Variants in TEX14 observed in about 807,000 individuals in gnomAD.
TEX14 encodes inactive serine/threonine-protein kinase TEX14.
A neutral mutation model predicts 178.6 loss-of-function variants in TEX14; 168 were observed. That is an observed-to-expected ratio of 0.94 (90% CI 0.83 to 1.07). The LOEUF is 1.07. TEX14 is among the 50% of genes least tolerant of loss of function. TEX14 has a pLI of 0.00. For synonymous variants in TEX14, 626 were observed against 634.1 expected, an observed-to-expected ratio of 0.99 and a Z score of 0.19; for missense variants, 1,730 against 1,753.6, an observed-to-expected ratio of 0.99 and a Z score of 0.24.
intron 1 of TEX14, among the ~76,000 whole-genome samples, chr17:58,659,758 G>A (rs576694749): frequency 6.6e-6 from 1 of 152,112 alleles, no homozygotes; most frequent in East Asian, 1.9e-4. Flanking sequence ...TTTCAATGGC[G>A]TGATCTCGGC....
chr17:58,635,937 G>T (rs1367601472), intron 2 of TEX14, among the ~76,000 whole-genome samples: 1 of 151,986 alleles, frequency 6.6e-6, no homozygotes, highest in Non-Finnish European at 1.5e-5. Flanking sequence ...GTAGAGACAG[G>T]TTTCACCATG....
intron 1 of TEX14, among the ~76,000 whole-genome samples, chr17:58,667,348 T>C (rs1382728850): frequency 6.6e-6 from 1 of 152,234 alleles, no homozygotes; most frequent in Non-Finnish European, 1.5e-5. Context: ...CCTGCATTAC[T>C]GTCCTTGGAG....
chr17:58,615,459 A>G (rs2045852121), intron 7 of TEX14, 114 bp from the exon 8 acceptor site: 1 of 713,746 alleles, frequency 1.4e-6, no homozygotes, highest in Admixed American at 2.2e-5. Flanking sequence ...AGAACCTGCA[A>G]TGCCCACTGG....
At chr17:58,608,698 C>A (rs767720174) in intron 10 of TEX14, among the ~76,000 whole-genome samples, 1 of 152,222 alleles carries the variant, frequency 6.6e-6, no homozygotes, top group Non-Finnish European at 1.5e-5. Flanking sequence ...ATTTGCGTGA[C>A]GCATGTGAGA....
At chr17:58,604,932 A>G (rs748093666) in intron 11 of TEX14, 46 bp downstream of exon 11, 2 of 1,605,980 alleles carry the variant, frequency 1.2e-6, no homozygotes, top group Admixed American at 3.4e-5. Flanking sequence ...GAAAAATGCA[A>G]CCTAAGAATA....
At chr17:58,657,607 G>A (rs1001485510) in intron 1 of TEX14, among the ~76,000 whole-genome samples, 1 of 141,012 alleles carries the variant, frequency 7.1e-6, no homozygotes, top group Non-Finnish European at 1.5e-5. Flanking sequence ...CTCTGCCTCC[G>A]GGGTTCAAAC....
intron 9 of TEX14, among the ~76,000 whole-genome samples, chr17:58,612,470 C>G (rs2045768417): frequency 6.6e-6 from 1 of 151,996 alleles, no homozygotes; most frequent in Non-Finnish European, 1.5e-5. Flanking sequence ...TGCAGTGGCT[C>G]AAGCCTGAAA....
chr17:58,662,656 C>T (rs1340965492), intron 1 of TEX14, among the ~76,000 whole-genome samples: 1 of 152,144 alleles, frequency 6.6e-6, no homozygotes, highest in Admixed American at 6.5e-5. Context: ...ACATGCCCCT[C>T]AGTTTGTGAG....
At chr17:58,659,267 A>C in intron 1 of TEX14, 2 of 846,478 alleles carry the variant, frequency 2.4e-6, no homozygotes, top group Non-Finnish European at 2.8e-6. Context: ...AAAACACTTT[A>C]TCAGGACCAA....
In TEX14 at chr17:58,571,942, G is replaced by A. The variant is rs923680431; in HGVS notation, c.3696C>T (p.Pro1232=). 1.2e-6 allele frequency: 2 copies of A among 1,613,946 alleles called. No individual in the cohort carries two copies. Among genetic ancestry groups the A allele is most frequent in the African/African-American group, 1.3e-5 (1 of 74,910 alleles). Residue 1232 remains proline, a synonymous_variant, in exon 24 of 32, where the codon CCC becomes CCT. Transcript: ENST00000349033. ...LDSLLTSSET[P]PSRLTGLKRL... ...TTACAAGACCAGTCAGTCTTGAAGG[G>A]GGAGTTTCAGAGGAAGTAAGGAGAG...
At chr17:58,671,973 G>A (rs917421167) in intron 1 of TEX14, among the ~76,000 whole-genome samples, 11 of 152,002 alleles carry the variant, frequency 7.2e-5, no homozygotes, top group Admixed American at 6.6e-4. Context: ...TTGGCACCAG[G>A]GACCAGTTTC....
rs201818573 is a variant in TEX14, at chr17:58,621,698, G to C, written c.506C>G (p.Pro169Arg). ...SYDLLKKIDSPQRLVYSPSWC... is the reference protein window; with the variant it reads ...SYDLLKKIDSRQRLVYSPSWC... ...GGACGGGCTGTAGACAAGCCGCTGC[G>C]GGGAGTCTATCTTCTTCAGGAGGTC... The change falls in exon 5 of 32, where the codon CCG becomes CGG. Residue 169 changes from proline to arginine, a missense_variant. Physicochemically the swap from Pro to Arg is moderately radical, Grantham distance 103 (BLOSUM62 -2). Transcript: ENST00000349033. 3 of 1,614,160 alleles carry C rather than the reference G, an allele frequency of 1.9e-6. No homozygotes were observed. Among genetic ancestry groups the C allele is most frequent in the Non-Finnish European group, 2.5e-6 (3 of 1,180,008 alleles).
chr17:58,687,012 T>A (rs2047611835), intron 1 of TEX14, among the ~76,000 whole-genome samples: 1 of 152,038 alleles, frequency 6.6e-6, no homozygotes, highest in South Asian at 2.1e-4. Flanking sequence ...TAGCTGGGAT[T>A]ACAGATGCCC....
intron 2 of TEX14, among the ~76,000 whole-genome samples, chr17:58,647,513 C>CA (rs2046739232): frequency 6.7e-6 from 1 of 150,184 alleles, no homozygotes; most frequent in Non-Finnish European, 1.5e-5. Flanking sequence ...GCCTGGGCGA[C>CA]TGAGCGAGAC....
chr17:58,591,760 G>A (rs915379704), intron 15 of TEX14, among the ~76,000 whole-genome samples: 2 of 151,220 alleles, frequency 1.3e-5, no homozygotes, highest in East Asian at 1.9e-4. Flanking sequence ...CTAGTCTGTC[G>A]TGAAAAACAT....
chr17:58,581,821 C>G, intron 19 of TEX14: 1 of 1,403,696 alleles, frequency 7.1e-7, no homozygotes, highest in East Asian at 2.4e-5. Context: ...ACGGGGTTAT[C>G]TAACACTACC....
chr17:58,651,083 C>A (rs1185416901), intron 2 of TEX14, among the ~76,000 whole-genome samples: 1 of 152,178 alleles, frequency 6.6e-6, no homozygotes, highest in Non-Finnish European at 1.5e-5. Context: ...GCCTGAGCAA[C>A]ATGGCGAAAG....
At chr17:58,586,702 T>A (rs77195754) in intron 17 of TEX14, among the ~76,000 whole-genome samples, 3,525 of 152,226 alleles carry the variant, frequency 0.023, 137 homozygotes, top group African/African-American at 0.08. Context: ...AATAATGTCA[T>A]TTTATTCAAC....
rs532570304 is a variant in TEX14 at position 58,590,813 on chromosome 17, C to T, written c.2576+2742G>A. 2.6e-4 allele frequency among the ~76,000 whole-genome samples: 40 copies of T among 152,016 alleles called. 1 individual carries two copies. In the South Asian group the frequency reaches 6.7e-3, roughly 25 times the overall value. On this transcript the variant is annotated intron_variant, in intron 15 of 31. Coordinates refer to ENST00000349033, the MANE Select transcript of TEX14 (RefSeq NM_031272.5). ...CAAGTGATCTGCCTGTCTTGGCTTCCGAAAGTGCTGGGATTACAGGTGGGA... is the reference window on the plus strand; with the variant it reads ...CAAGTGATCTGCCTGTCTTGGCTTCTGAAAGTGCTGGGATTACAGGTGGGA...
Sources: allele counts gnomAD v4.1 joint callset (sites outside exome capture counted in the v4.1 genomes callset), GRCh38; gene constraint gnomAD v4.1.1; transcripts MANE v1.5; gene names NCBI Gene and HGNC (gene_info 2026-07-23, HGNC 2026-07-21).